The following SPRY4 variants were observed in gnomAD, a reference collection of about 807,000 sequenced individuals.
SPRY4 encodes sprouty RTK signaling antagonist 4, also known as protein sprouty homolog 4.
A neutral mutation model predicts 17.0 loss-of-function variants in SPRY4; 7 were observed. The ratio of observed to expected loss-of-function variants is 0.41; its 90% CI spans 0.23 to 0.77. The LOEUF (loss-of-function observed/expected upper bound fraction) is 0.77. Among genes scored for constraint, SPRY4 ranks in the 30% least tolerant of loss-of-function variants. The pLI is 0.32. For missense variants in SPRY4, 435 were observed against 419.9 expected, an observed-to-expected ratio of 1.04 and a Z score of -0.31; for synonymous variants, 183 against 174.1, an observed-to-expected ratio of 1.05 and a Z score of -0.40.
At position 142,312,571 on chromosome 5, in the gene SPRY4, T is replaced by C. The variant is rs1758961641; in HGVS notation, c.*1638A>G. On this transcript the variant is annotated 3_prime_UTR_variant, in exon 2 of 2. Coordinates refer to ENST00000434127, the MANE Select transcript of SPRY4 (RefSeq NM_001127496.3). ...ACCTCTGTTCCTATACAGAACAAAC[T>C]GGAAATGCTACGGACGCTCTGCCTC... 1 of 152,160 alleles carries C rather than the reference T, an allele frequency of 6.6e-6. No individual in the cohort carries two copies. Among genetic ancestry groups the C allele is most frequent in the Non-Finnish European group, 1.5e-5 (1 of 68,010 alleles). The allele number at this position is 152,160 out of a possible 1,614,324, so 9.4% of individuals were successfully genotyped here. A position where few individuals can be genotyped will look rare whatever the true frequency, so the allele number is the denominator to read the frequency against.
Position 142,314,907 on chromosome 5 carries a change from G to T in SPRY4, c.202C>A (p.Arg68=). The change falls in exon 2 of 2, where the codon CGG becomes AGG. Residue 68 remains arginine (R), a synonymous_variant. Coordinates refer to ENST00000434127, the MANE Select transcript of SPRY4 (RefSeq NM_001127496.3). The surrounding 1 kb of genome is among the most constrained non-coding windows in gnomAD (Gnocchi z 4.8). ...GGGGCCAGCTCTGGGGCCCCGCCCC[G>T]GGTCCGCTTTGGGCCGGTGGTCAGG... The part of the protein sequence containing the change: ...LALTTGPKRT[R]GGAPELAPTP... The T allele has an allele frequency of 2.5e-6, 4 of 1,608,840 alleles. No individual in the cohort carries two copies. Among genetic ancestry groups the T allele is most frequent in the Non-Finnish European group, 3.4e-6 (4 of 1,175,976 alleles).
In SPRY4 at chr5:142,324,943, G is replaced by A. The variant is rs577606721; in HGVS notation, c.-147C>T. 7.2e-5 allele frequency: 11 copies of A among 152,814 alleles called. No homozygotes were observed. Among genetic ancestry groups the A allele is most frequent in the African/African-American group, 2.6e-4 (11 of 41,590 alleles). 9.5% of individuals were successfully genotyped at this position (152,814 alleles called of 1,614,324 possible). On this transcript the variant is annotated 5_prime_UTR_variant, in exon 1 of 2. Coordinates refer to ENST00000434127, the MANE Select transcript of SPRY4 (RefSeq NM_001127496.3). ...CTGTACTCGCAGACGCCGGTCGGAG[G>A]AACCGGCAAGGCTCCCTGCGCTCCA...
At position 142,312,409 on chromosome 5, in the gene SPRY4, T is replaced by C. The variant is rs931520331; in HGVS notation, c.*1800A>G. ...TATGACCCTCCCTTCCTCCAATCAA[T>C]AAATACCTATGGTTACAATCAACTT... is the stretch of plus-strand genomic sequence containing the variant. On this transcript the variant is annotated 3_prime_UTR_variant, in exon 2 of 2. Coordinates refer to ENST00000434127, the MANE Select transcript of SPRY4 (RefSeq NM_001127496.3). The C allele has an allele frequency of 6.6e-6, 1 of 152,542 alleles. No homozygotes were observed. The highest frequency in any genetic ancestry group is 6.5e-5 in the Admixed American group (1 of 15,284). The allele number at this position is 152,542 out of a possible 1,614,324, so 9.4% of individuals were successfully genotyped here. A position where few individuals can be genotyped will look rare whatever the true frequency, so the allele number is the denominator to read the frequency against.
In SPRY4 at chr5:142,322,614, C is replaced by T. The variant is rs2127001909; in HGVS notation, c.-48+2230G>A. On this transcript the variant is annotated intron_variant, in intron 1 of 1. Coordinates refer to ENST00000434127, the MANE Select transcript of SPRY4 (RefSeq NM_001127496.3). Reference sequence around the variant, plus strand: ...CAACTAAAGCTTCAGTGAGATGAGGCCATTTCAGAGGGTGATCTGGAAAAG... The same window carrying T: ...CAACTAAAGCTTCAGTGAGATGAGGTCATTTCAGAGGGTGATCTGGAAAAG... 2.6e-5 allele frequency among the ~76,000 whole-genome samples: 4 copies of T among 152,102 alleles called. No individual in the cohort carries two copies. In the South Asian group the frequency reaches 8.3e-4, roughly 32 times the overall value.
At position 142,314,267 on chromosome 5, in the gene SPRY4, A is replaced by G; in HGVS notation, c.842T>C (p.Val281Ala). 1 of 1,613,436 alleles carries G rather than the reference A, an allele frequency of 6.2e-7. No individual in the cohort carries two copies. Among genetic ancestry groups the G allele is most frequent in the Non-Finnish European group, 8.5e-7 (1 of 1,179,938 alleles). ...ATCCCCGCTGGCTGCTTTGCAGATG[A>G]CGCTGTTCGTGTGCTTGCAGCGGCA... ...PGCRCKHTNS[V>A]ICKAASGDAK... Residue 281 changes from valine (V) to alanine (A), a missense_variant, in exon 2 of 2, where the codon GTC becomes GCC. By Grantham distance (64) the Val-to-Ala change is moderately conservative (BLOSUM62 0). Coordinates refer to ENST00000434127, the MANE Select transcript of SPRY4 (RefSeq NM_001127496.3). This position sits in a 1 kb window ranked among gnomAD's most constrained non-coding sequence, Gnocchi z 4.8.
At chr5:142,324,211 G>C (rs991822986) in intron 1 of SPRY4, 1 of 152,356 alleles carries the variant, frequency 6.6e-6, no homozygotes, top group Non-Finnish European at 1.5e-5. Context: ...GTCAGACGGC[G>C]AGGAACCGCC....
At chr5:142,321,443 C>T (rs1321406982) in intron 1 of SPRY4, among the ~76,000 whole-genome samples, 2 of 152,184 alleles carry the variant, frequency 1.3e-5, no homozygotes, top group Non-Finnish European at 2.9e-5. Flanking sequence ...GTTCACCTAC[C>T]CCTGGCTCTT....
At position 142,314,186 on chromosome 5, in the gene SPRY4, C is replaced by A; in HGVS notation, c.*23G>T. The A allele has an allele frequency of 6.3e-7, 1 of 1,586,948 alleles. No homozygotes were observed. Among genetic ancestry groups the A allele is most frequent in the Non-Finnish European group, 8.6e-7 (1 of 1,168,452 alleles). On this transcript the variant is annotated 3_prime_UTR_variant, in exon 2 of 2. Coordinates refer to ENST00000434127, the MANE Select transcript of SPRY4 (RefSeq NM_001127496.3). This position sits in a 1 kb window ranked among gnomAD's most constrained non-coding sequence, Gnocchi z 4.8. Reference sequence around the variant, plus strand: ...AAGAGAACCAGGTTTCCAGGCAGAGCACTGGGGCTTCGACACAAACTGTCA... The same window carrying A: ...AAGAGAACCAGGTTTCCAGGCAGAGAACTGGGGCTTCGACACAAACTGTCA...
In SPRY4 at chr5:142,312,762, C is replaced by G. The variant is rs1046357334; in HGVS notation, c.*1447G>C. ...ATGCAACAAGTACCTACCCACTGGA[C>G]GTGCTGCACCTTCTGAGTCCTTTAG... On this transcript the variant is annotated 3_prime_UTR_variant, in exon 2 of 2. Transcript: ENST00000434127. The G allele has an allele frequency of 6.6e-6, 1 of 152,654 alleles. No homozygotes were observed. The highest frequency in any genetic ancestry group is 2.4e-5 in the African/African-American group (1 of 41,452). The allele number at this position is 152,654 out of a possible 1,614,324, so 9.5% of individuals were successfully genotyped here.
At chr5:142,318,890 G>A (rs763385000) in intron 1 of SPRY4, among the ~76,000 whole-genome samples, 6 of 152,244 alleles carry the variant, frequency 3.9e-5, no homozygotes, top group East Asian at 1.9e-4. Flanking sequence ...TAATATTTAC[G>A]AAACATTTCT....
intron 1 of SPRY4, among the ~76,000 whole-genome samples, chr5:142,320,200 G>T (rs1415975502): frequency 6.6e-6 from 1 of 152,164 alleles, no homozygotes; most frequent in African/African-American, 2.4e-5. Flanking sequence ...GGGGAGGGAT[G>T]CTGAGGGAAG....
chr5:142,313,931 GA>G lies in SPRY4; in HGVS notation c.*277del. 2.3e-6 allele frequency: 1 copy of G among 443,336 alleles called. No homozygotes were observed. The highest frequency in any genetic ancestry group is 4.1e-6 in the Non-Finnish European group (1 of 246,298). The allele number at this position is 443,336 out of a possible 1,614,324, so 27.5% of individuals were successfully genotyped here. A position where few individuals can be genotyped will look rare whatever the true frequency, so the allele number is the denominator to read the frequency against. On this transcript the variant is annotated 3_prime_UTR_variant, in exon 2 of 2. Coordinates refer to ENST00000434127, the MANE Select transcript of SPRY4 (RefSeq NM_001127496.3). The stretch of plus-strand genomic sequence containing the variant: ...CATCTGTGTTCTGTCTTCTGAAAAA[GA>G]AAAATTTCCCCCCAAACCACACCCT...
intron 1 of SPRY4, 54 bp from the exon 2 acceptor site, chr5:142,315,209 T>A: frequency 1.7e-6 from 2 of 1,199,982 alleles, no homozygotes; most frequent in Non-Finnish European, 2.3e-6. Flanking sequence ...CATCAGTATG[T>A]GGCCTGCCAA....
In SPRY4 at chr5:142,314,875, G is replaced by A. The variant is rs777474071; in HGVS notation, c.234C>T (p.Pro78=). 7.5e-6 allele frequency: 12 copies of A among 1,597,148 alleles called. No homozygotes were observed. Among genetic ancestry groups the A allele is most frequent in the Admixed American group, 5.1e-5 (3 of 58,884 alleles). ...RGGAPELAPT[P]ARCDQDVTHH... is the part of the protein sequence containing the mutation. ...GGGTGACATCCTGGTCACAGCGGGC[G>A]GGCGTCGGGGCCAGCTCTGGGGCCC... The change falls in exon 2 of 2, where the codon CCC becomes CCT. Residue 78 remains proline (P), a synonymous_variant. Coordinates refer to ENST00000434127, the MANE Select transcript of SPRY4 (RefSeq NM_001127496.3). This position sits in a 1 kb window ranked among gnomAD's most constrained non-coding sequence, Gnocchi z 4.8.
At chr5:142,318,536 T>C (rs945180592) in intron 1 of SPRY4, among the ~76,000 whole-genome samples, 5 of 151,996 alleles carry the variant, frequency 3.3e-5, no homozygotes, top group African/African-American at 1.2e-4. Flanking sequence ...CTCAGTTGAT[T>C]TGGTAGATCA....
rs553491984 is a variant in SPRY4 at position 142,314,276 on chromosome 5, G to A, written c.833C>T (p.Thr278Met). 8.1e-6 allele frequency: 13 copies of A among 1,613,638 alleles called. No individual in the cohort carries two copies. The highest frequency in any genetic ancestry group is 1.1e-5 in the South Asian group (1 of 91,062). ...LRRPGCRCKH[T>M]NSVICKAASG... ...GGCTGCTTTGCAGATGACGCTGTTC[G>A]TGTGCTTGCAGCGGCAACCAGGGCG... The change falls in exon 2 of 2, where the codon ACG becomes ATG. Residue 278 changes from threonine (T) to methionine (M), a missense_variant. Coordinates refer to ENST00000434127, the MANE Select transcript of SPRY4 (RefSeq NM_001127496.3). This position sits in a 1 kb window ranked among gnomAD's most constrained non-coding sequence, Gnocchi z 4.8.
rs1357277506 is a variant in SPRY4 at position 142,314,287 on chromosome 5, G to C, written c.822C>G (p.Arg274=). 6.2e-7 allele frequency: 1 copy of C among 1,613,698 alleles called. No homozygotes were observed. The highest frequency in any genetic ancestry group is 8.5e-7 in the Non-Finnish European group (1 of 1,179,996). ...GYDRLRRPGC[R]CKHTNSVICK... is the part of the protein sequence containing the mutation. ...AGATGACGCTGTTCGTGTGCTTGCA[G>C]CGGCAACCAGGGCGGCGCAGACGGT... Residue 274 remains arginine, a synonymous_variant, in exon 2 of 2, where the codon CGC becomes CGG. Coordinates refer to ENST00000434127, the MANE Select transcript of SPRY4 (RefSeq NM_001127496.3). The surrounding 1 kb of genome is among the most constrained non-coding windows in gnomAD (Gnocchi z 4.8).
chr5:142,318,272 G>C, intron 1 of SPRY4: 1 of 735,490 alleles, frequency 1.4e-6, no homozygotes, highest in Non-Finnish European at 1.7e-6. Context: ...ATCACTTGAG[G>C]TCAGGAGTTC....
chr5:142,319,265 G>T (rs1430348534), intron 1 of SPRY4, among the ~76,000 whole-genome samples: 3 of 152,194 alleles, frequency 2.0e-5, no homozygotes, highest in African/African-American at 7.2e-5. Context: ...GCCAGATGGG[G>T]CTTACATCAG....
Sources: gnomAD v4.1 joint callset for allele counts (sites outside exome capture counted in the v4.1 genomes callset) on GRCh38, gnomAD v4.1.1 for gene constraint, Gnocchi (gnomAD v3.1) non-coding constraint, MANE v1.5 for transcripts, NCBI Gene and HGNC (gene_info 2026-07-23, HGNC 2026-07-21) for gene names.